GPC5: variants seen among roughly 807,000 people sequenced by gnomAD.
The protein encoded by GPC5 is glypican 5.
A neutral mutation model predicts 53.9 loss-of-function variants in GPC5; 47 were observed. The observed-to-expected ratio is 0.87, with a 90% CI of 0.69 to 1.11. The LOEUF (loss-of-function observed/expected upper bound fraction) is 1.11. GPC5 is among the 50% of genes most tolerant of loss of function. GPC5 has a pLI of 0.00. For missense variants in GPC5, 748 were observed against 713.1 expected (o/e 1.05, Z -0.56); for synonymous variants, 286 against 263.3 (o/e 1.09, Z -0.84).
chr13:91,597,693 G>A lies in GPC5; in HGVS notation c.326-95494G>A, dbSNP rs547037009. 3.3e-5 allele frequency among the ~76,000 whole-genome samples: 5 copies of A among 152,236 alleles called. No individual in the cohort carries two copies. The South Asian group carries it at 1.0e-3, about 32-fold the overall frequency. On this transcript the variant is annotated intron_variant, in intron 2 of 7. Transcript: ENST00000377067. ...GGGCACTATTTCTATCCCCCTTCAT[G>A]GCAGAAACTGCATTCCTAATTCCTG...
At chr13:92,217,582 C>A (rs145963532) in intron 7 of GPC5, among the ~76,000 whole-genome samples, 190 of 152,264 alleles carry the variant, frequency 1.2e-3, no homozygotes, top group African/African-American at 4.2e-3. Context: ...TTGCCCATGC[C>A]GTATTCAGAG....
At chr13:91,745,902 T>A (rs1566655541) in intron 4 of GPC5, among the ~76,000 whole-genome samples, 1 of 152,254 alleles carries the variant, frequency 6.6e-6, no homozygotes, top group East Asian at 1.9e-4. Flanking sequence ...ACTATACAAG[T>A]TTAATTACTT....
At chr13:92,310,082 C>T (rs2139208684) in intron 7 of GPC5, among the ~76,000 whole-genome samples, 1 of 151,602 alleles carries the variant, frequency 6.6e-6, no homozygotes, top group African/African-American at 2.4e-5. Context: ...TGATAGGATT[C>T]CCTTCTTTTT....
intron 7 of GPC5, among the ~76,000 whole-genome samples, chr13:92,332,062 C>G (rs979437545): frequency 2.6e-5 from 4 of 152,140 alleles, no homozygotes; most frequent in African/African-American, 9.6e-5. Context: ...ATTTTCCAAA[C>G]AGTTCATTGC....
At chr13:92,752,618 G>T (rs1192487568) in intron 7 of GPC5, among the ~76,000 whole-genome samples, 1 of 152,134 alleles carries the variant, frequency 6.6e-6, no homozygotes, top group East Asian at 1.9e-4. Flanking sequence ...GTGGGCGCAG[G>T]TCAGTGGGTG....
At chr13:91,752,442 A>T (rs2037199373) in intron 4 of GPC5, among the ~76,000 whole-genome samples, 1 of 152,110 alleles carries the variant, frequency 6.6e-6, no homozygotes, top group African/African-American at 2.4e-5. Flanking sequence ...CAACATATGA[A>T]TTTTTTTGTG....
At chr13:92,357,211 T>C (rs1221213671) in intron 7 of GPC5, among the ~76,000 whole-genome samples, 1 of 151,788 alleles carries the variant, frequency 6.6e-6, no homozygotes, top group Non-Finnish European at 1.5e-5. Flanking sequence ...GAATGATTTA[T>C]ATTCCTTTGG....
intron 2 of GPC5, among the ~76,000 whole-genome samples, chr13:91,578,845 A>G (rs2032238586): frequency 1.3e-5 from 2 of 152,026 alleles, no homozygotes. Context: ...CAGGAGTTTG[A>G]GACCAGCCTG....
chr13:92,859,235 A>G (rs1879105044), intron 7 of GPC5, among the ~76,000 whole-genome samples: 1 of 152,120 alleles, frequency 6.6e-6, no homozygotes, highest in Admixed American at 6.6e-5. Context: ...GGCAACATAG[A>G]AAGACCCTAT....
chr13:92,098,742 A>C (rs2041441424), intron 6 of GPC5, among the ~76,000 whole-genome samples: 1 of 152,168 alleles, frequency 6.6e-6, no homozygotes, highest in Non-Finnish European at 1.5e-5. Flanking sequence ...CAACGTAATC[A>C]CAAGGGTCTT....
At chr13:92,043,656 C>T (rs977455946) in intron 6 of GPC5, among the ~76,000 whole-genome samples, 3 of 152,160 alleles carry the variant, frequency 2.0e-5, no homozygotes, top group Admixed American at 6.5e-5. Flanking sequence ...TTGGTCGTGA[C>T]AAGATCTGGG....
intron 7 of GPC5, among the ~76,000 whole-genome samples, chr13:92,332,117 ATTATGTC>A (rs957025977): frequency 1.4e-3 from 209 of 152,276 alleles, no homozygotes; most frequent in African/African-American, 5.0e-3. Flanking sequence ...ACATTCTCAA[ATTATGTC>A]TTTGGTGATA....
chr13:92,757,445 C>A (rs1171249599), intron 7 of GPC5, among the ~76,000 whole-genome samples: 2 of 152,090 alleles, frequency 1.3e-5, no homozygotes, highest in Non-Finnish European at 2.9e-5. Flanking sequence ...TCTAAAACAC[C>A]AAAAGCAATG....
intron 2 of GPC5, among the ~76,000 whole-genome samples, chr13:91,640,906 A>T (rs926973200): frequency 6.6e-6 from 1 of 152,204 alleles, no homozygotes; most frequent in Admixed American, 6.5e-5. Flanking sequence ...GACTGGATAC[A>T]GAAAATGTGG....
chr13:91,490,207 G>A (rs1277324714), intron 2 of GPC5, among the ~76,000 whole-genome samples: 1 of 152,150 alleles, frequency 6.6e-6, no homozygotes, highest in South Asian at 2.1e-4. Context: ...GCTATAGTGG[G>A]ATGATGGATG....
chr13:92,438,417 C>T (rs1382644266), intron 7 of GPC5, among the ~76,000 whole-genome samples: 1 of 149,574 alleles, frequency 6.7e-6, no homozygotes, highest in African/African-American at 2.5e-5. Flanking sequence ...TATTACGAGA[C>T]ATGCCTTGAA....
At chr13:91,971,888 A>C (rs1417043141) in intron 6 of GPC5, among the ~76,000 whole-genome samples, 1 of 152,110 alleles carries the variant, frequency 6.6e-6, no homozygotes. Context: ...ACTTCCAACT[A>C]TGTGGTCAAT....
chr13:92,386,133 TC>T (rs1346753892), intron 7 of GPC5, among the ~76,000 whole-genome samples: 1 of 151,938 alleles, frequency 6.6e-6, no homozygotes, highest in Non-Finnish European at 1.5e-5. Context: ...AAAGTTATGG[TC>T]CGTGAAAAAT....
At chr13:92,272,527 G>A (rs1448901196) in intron 7 of GPC5, among the ~76,000 whole-genome samples, 5 of 152,116 alleles carry the variant, frequency 3.3e-5, no homozygotes, top group South Asian at 4.1e-4. Context: ...TCAGAGGACC[G>A]GACAGGTGCA....
Sources: gnomAD v4.1 joint callset for allele counts (sites outside exome capture counted in the v4.1 genomes callset) on GRCh38, gnomAD v4.1.1 for gene constraint, MANE v1.5 for transcripts, NCBI Gene and HGNC (gene_info 2026-07-23, HGNC 2026-07-21) for gene names.